ZDHHC13: variants seen among roughly 807,000 people sequenced by gnomAD.
ZDHHC13 encodes the protein palmitoyltransferase ZDHHC13.
ZDHHC13 carries 85 observed loss-of-function variants against 86.0 expected under a neutral mutation model. That is an observed-to-expected ratio of 0.99 (90% CI 0.83 to 1.18). The LOEUF is 1.18. Among genes scored for constraint, ZDHHC13 ranks in the 50% most tolerant of loss-of-function variants. The probability of loss-of-function intolerance (pLI) is 0.00; values close to 1 mark genes in which losing one functional copy is unlikely to be tolerated. For synonymous variants in ZDHHC13, 263 were observed against 246.4 expected (o/e 1.07, Z -0.63); for missense variants, 711 against 730.2 (o/e 0.97, Z 0.30).
rs1186647405 is a variant in ZDHHC13, at chr11:19,175,997, T to G, written c.*37T>G. ...CCAAAACTCTCAATCTGATTTGTTT[T>G]TGTTTATGTCGATGCCCTGTAGTTT... On this transcript the variant is annotated 3_prime_UTR_variant, in exon 17 of 17. Transcript: ENST00000446113. 1 of 1,576,508 alleles carries G rather than the reference T, an allele frequency of 6.3e-7. No homozygotes were observed. Among genetic ancestry groups the G allele is most frequent in the Admixed American group, 2.0e-5 (1 of 51,050 alleles).
intron 1 of ZDHHC13, among the ~76,000 whole-genome samples, chr11:19,138,526 C>G (rs1199802747): frequency 1.4e-3 from 216 of 152,042 alleles, no homozygotes; most frequent in Non-Finnish European, 2.6e-3. Flanking sequence ...CTATTCCAGT[C>G]AATAGAAAAA....
intron 16 of ZDHHC13, among the ~76,000 whole-genome samples, chr11:19,174,837 G>A (rs1850316032): frequency 6.6e-6 from 1 of 152,200 alleles, no homozygotes; most frequent in Non-Finnish European, 1.5e-5. Flanking sequence ...GGGAAAAATA[G>A]AGCCAGAGTA....
intron 1 of ZDHHC13, among the ~76,000 whole-genome samples, chr11:19,134,566 A>T (rs1448634100): frequency 6.6e-6 from 1 of 152,204 alleles, no homozygotes; most frequent in Non-Finnish European, 1.5e-5. Flanking sequence ...AGGGACATGG[A>T]TGAAGCTGGA....
chr11:19,142,852 A>C, intron 1 of ZDHHC13, 126 bp from the exon 2 acceptor site: 1 of 1,055,938 alleles, frequency 9.5e-7, no homozygotes, highest in Non-Finnish European at 1.3e-6. Context: ...CTCAGGATAC[A>C]CTTCTAAAAC....
In ZDHHC13 at chr11:19,152,294, T is replaced by G; in HGVS notation, c.721T>G (p.Ser241Ala). 4.3e-6 allele frequency: 7 copies of G among 1,613,286 alleles called. No individual in the cohort carries two copies. Among genetic ancestry groups the G allele is most frequent in the Non-Finnish European group, 5.9e-6 (7 of 1,179,434 alleles). Reference protein sequence around the residue: ...NAVDKLLEAGSSLDIQNVKGE... With the variant: ...NAVDKLLEAGASLDIQNVKGE... ...AGTTGATAAGCTTTTGGAAGCTGGTTCTAGCCTGGATATCCAGAATGTTAA... is the reference window on the plus strand; with the variant it reads ...AGTTGATAAGCTTTTGGAAGCTGGTGCTAGCCTGGATATCCAGAATGTTAA... Residue 241 changes from serine (S) to alanine (A), a missense_variant, in exon 7 of 17, where the codon TCT becomes GCT. Physicochemically the swap from Ser to Ala is moderately conservative, Grantham distance 99. Coordinates refer to ENST00000446113, the MANE Select transcript of ZDHHC13 (RefSeq NM_019028.3).
chr11:19,173,428 C>T (rs1850278707), intron 16 of ZDHHC13, among the ~76,000 whole-genome samples: 1 of 152,208 alleles, frequency 6.6e-6, no homozygotes, highest in Non-Finnish European at 1.5e-5. Flanking sequence ...GCTTATCTCC[C>T]TGCCACTTAT....
At chr11:19,133,816 C>T (rs187203064) in intron 1 of ZDHHC13, among the ~76,000 whole-genome samples, 6 of 150,874 alleles carry the variant, frequency 4.0e-5, no homozygotes, top group South Asian at 2.1e-4. Flanking sequence ...AGCATGTGTC[C>T]GGGCAGTCTT....
chr11:19,149,435 A>G (rs1201840962), intron 5 of ZDHHC13, 104 bp downstream of exon 5: 1 of 1,149,834 alleles, frequency 8.7e-7, no homozygotes, highest in African/African-American at 1.6e-5. Flanking sequence ...AGGTTAATGG[A>G]TATCCAGATA....
At chr11:19,131,930 G>T (rs150198967) in intron 1 of ZDHHC13, among the ~76,000 whole-genome samples, 1 of 152,262 alleles carries the variant, frequency 6.6e-6, no homozygotes, top group South Asian at 2.1e-4. Context: ...ACTTTTATCC[G>T]CAGATACTCT....
At chr11:19,138,745 A>C (rs1849220821) in intron 1 of ZDHHC13, among the ~76,000 whole-genome samples, 1 of 151,888 alleles carries the variant, frequency 6.6e-6, no homozygotes, top group African/African-American at 2.4e-5. Context: ...CCTGGGATGC[A>C]AGGCTGGTTC....
chr11:19,149,135 C>T (rs142275847), intron 4 of ZDHHC13, 52 bp from the exon 5 acceptor site: 1 of 1,407,062 alleles, frequency 7.1e-7, no homozygotes, highest in Admixed American at 2.6e-5. Context: ...CTCTCCCTGA[C>T]TTTTTGCTTT....
chr11:19,123,825 A>C (rs971943170), intron 1 of ZDHHC13, among the ~76,000 whole-genome samples: 2 of 152,180 alleles, frequency 1.3e-5, no homozygotes, highest in African/African-American at 4.8e-5. Flanking sequence ...ATTAGCAACT[A>C]GGGGAGTACA....
Position 19,146,174 on chromosome 11 carries a change from CTTT to C in ZDHHC13, c.174-6_174-4del. 1 of 1,524,234 alleles carries C rather than the reference CTTT, an allele frequency of 6.6e-7. No homozygotes were observed. The highest frequency in any genetic ancestry group is 8.8e-7 in the Non-Finnish European group (1 of 1,138,146). The allele number at this position is 1,524,234 out of a possible 1,614,324, so 94.4% of individuals were successfully genotyped here. ...TATCAATTATGCTTTTTTTTTTCTT[CTTT>C]GAGATACGGAATTTTTGAACGATGT... On this transcript the variant is annotated splice_polypyrimidine_tract_variant and splice_region_variant and intron_variant, in intron 2 of 16. Coordinates refer to ENST00000446113, the MANE Select transcript of ZDHHC13 (RefSeq NM_019028.3).
chr11:19,156,515 A>G (rs1026163471), intron 9 of ZDHHC13, among the ~76,000 whole-genome samples: 1 of 152,204 alleles, frequency 6.6e-6, no homozygotes, highest in African/African-American at 2.4e-5. Flanking sequence ...AATGAGGGTT[A>G]ACTTGTGATA....
Position 19,117,552 on chromosome 11 carries a change from A to T in ZDHHC13, c.27+276A>T. 5.3e-6 allele frequency: 2 copies of T among 380,056 alleles called. No homozygotes were observed. Among genetic ancestry groups the T allele is most frequent in the Non-Finnish European group, 9.4e-6 (2 of 213,660 alleles). 23.5% of individuals were successfully genotyped at this position (380,056 alleles called of 1,614,324 possible). ...GGCGCCCCCTGGGGCCGGTACCCGGAGCCCGGCGGGGACCTCTGTGGGCCT... is the reference window on the plus strand; with the variant it reads ...GGCGCCCCCTGGGGCCGGTACCCGGTGCCCGGCGGGGACCTCTGTGGGCCT... On this transcript the variant is annotated intron_variant, in intron 1 of 16. Transcript: ENST00000446113. This position sits in a 1 kb window ranked among gnomAD's most constrained non-coding sequence, Gnocchi z 4.2.
intron 12 of ZDHHC13, chr11:19,164,747 C>T: frequency 2.4e-6 from 1 of 414,312 alleles, no homozygotes; most frequent in South Asian, 3.4e-5. Flanking sequence ...ATTGGTGGTG[C>T]TAAAAATGGA....
At chr11:19,166,990 C>G (rs1418582742) in intron 14 of ZDHHC13, 1 of 152,220 alleles carries the variant, frequency 6.6e-6, no homozygotes, top group Non-Finnish European at 1.5e-5. Context: ...GCCAGCTGTT[C>G]TGAGGTGGTT....
rs577722823 is a variant in ZDHHC13, at chr11:19,117,171, G to A, written c.-79G>A. The A allele has an allele frequency of 6.0e-5, 90 of 1,489,548 alleles. No individual in the cohort carries two copies. In the South Asian group the frequency reaches 9.7e-4, roughly 16 times the overall value. 92.3% of individuals were successfully genotyped at this position (1,489,548 alleles called of 1,614,324 possible). A position where few individuals can be genotyped will look rare whatever the true frequency, so the allele number is the denominator to read the frequency against. ...GGCGCCAGCAGGAAGTGGGAGAAGA[G>A]GCGACCCAAGGCGGGCTGGCGGGCT... On this transcript the variant is annotated 5_prime_UTR_variant, in exon 1 of 17. Coordinates refer to ENST00000446113, the MANE Select transcript of ZDHHC13 (RefSeq NM_019028.3). This position sits in a 1 kb window ranked among gnomAD's most constrained non-coding sequence, Gnocchi z 4.2.
Position 19,117,293 on chromosome 11 carries a change from G to C in ZDHHC13, c.27+17G>C, listed in dbSNP as rs796984900. 4.1e-6 allele frequency: 6 copies of C among 1,472,174 alleles called. No homozygotes were observed. In the African/African-American group the frequency reaches 8.7e-5, roughly 21 times the overall value. The allele number at this position is 1,472,174 out of a possible 1,614,324, so 91.2% of individuals were successfully genotyped here. A position where few individuals can be genotyped will look rare whatever the true frequency, so the allele number is the denominator to read the frequency against. ...GGCTCGCAGGTGAGTGCGGCCGGGC[G>C]GTGGCTGTCCTGGGGGCCGGGAGAG... On this transcript the variant is annotated intron_variant, in intron 1 of 16. Coordinates refer to ENST00000446113, the MANE Select transcript of ZDHHC13 (RefSeq NM_019028.3). The surrounding 1 kb of genome is among the most constrained non-coding windows in gnomAD (Gnocchi z 4.2).
Sources: allele counts gnomAD v4.1 joint callset (sites outside exome capture counted in the v4.1 genomes callset), GRCh38; gene constraint gnomAD v4.1.1; non-coding constraint Gnocchi (gnomAD v3.1); transcripts MANE v1.5; gene names NCBI Gene and HGNC (gene_info 2026-07-23, HGNC 2026-07-21).